STXBP6: variants seen among roughly 807,000 people sequenced by gnomAD.
The protein encoded by STXBP6 is syntaxin binding protein 6.
Under a neutral mutation model 26.9 loss-of-function variants are expected in STXBP6, and 21 were observed. That is an observed-to-expected ratio of 0.78 (90% CI 0.55 to 1.12). STXBP6 has a LOEUF of 1.12. Among genes scored for constraint, STXBP6 ranks in the 50% most tolerant of loss-of-function variants. The pLI, the probability that STXBP6 is intolerant of heterozygous loss-of-function variation, is 0.00. For synonymous variants in STXBP6, 97 were observed against 92.6 expected (o/e 1.05, Z -0.27); for missense variants, 232 against 257.9 (o/e 0.90, Z 0.69).
chr14:24,833,762 T>C (rs935815924), intron 4 of STXBP6, among the ~76,000 whole-genome samples: 27 of 152,230 alleles, frequency 1.8e-4, no homozygotes, highest in African/African-American at 6.0e-4. Flanking sequence ...GTACAAAATA[T>C]ATCAAGTTGC....
At position 25,049,421 on chromosome 14, in the gene STXBP6, G is replaced by A. The variant is rs1478845450; in HGVS notation, c.-33+457C>T. 2 of 985,294 alleles carry A rather than the reference G, an allele frequency of 2.0e-6. No individual in the cohort carries two copies. Among genetic ancestry groups the A allele is most frequent in the Admixed American group, 6.1e-5 (1 of 16,270 alleles). The allele number at this position is 985,294 out of a possible 1,614,324, so 61.0% of individuals were successfully genotyped here. A position where few individuals can be genotyped will look rare whatever the true frequency, so the allele number is the denominator to read the frequency against. Reference sequence around the variant, plus strand: ...TTTCCTAGAAGATGCCAGAGTTCGCGAAGATCGGAGTGATTCGCGGATTTC... The same window carrying A: ...TTTCCTAGAAGATGCCAGAGTTCGCAAAGATCGGAGTGATTCGCGGATTTC... On this transcript the variant is annotated intron_variant, in intron 1 of 5. Coordinates refer to ENST00000323944, the MANE Select transcript of STXBP6 (RefSeq NM_001394410.1). The surrounding 1 kb of genome is among the most constrained non-coding windows in gnomAD (Gnocchi z 5.6).
chr14:25,022,043 T>C (rs1351862381), intron 1 of STXBP6, among the ~76,000 whole-genome samples: 1 of 152,222 alleles, frequency 6.6e-6, no homozygotes, highest in Non-Finnish European at 1.5e-5. Flanking sequence ...CTGATTTCTA[T>C]GTGAAAACTC....
intron 1 of STXBP6, among the ~76,000 whole-genome samples, chr14:25,005,294 T>C (rs2074863664): frequency 1.3e-5 from 2 of 152,190 alleles, no homozygotes; most frequent in East Asian, 3.9e-4. Flanking sequence ...AACAGTTGCA[T>C]GGGTATAACA....
intron 2 of STXBP6, among the ~76,000 whole-genome samples, chr14:24,911,488 C>A (rs2071572798): frequency 6.6e-6 from 1 of 151,516 alleles, no homozygotes; most frequent in Admixed American, 6.6e-5. Flanking sequence ...AGGAGGATGT[C>A]CAAAGAAAGA....
At chr14:24,928,449 A>G in intron 2 of STXBP6, among the ~76,000 whole-genome samples, 1 of 151,480 alleles carries the variant, frequency 6.6e-6, no homozygotes, top group Non-Finnish European at 1.5e-5. Flanking sequence ...TAAGCTGCTC[A>G]TTTAGAATTT....
At chr14:24,941,271 T>C (rs542660892) in intron 2 of STXBP6, among the ~76,000 whole-genome samples, 2 of 151,248 alleles carry the variant, frequency 1.3e-5, no homozygotes, top group African/African-American at 2.4e-5. Flanking sequence ...AGTGGGAGAG[T>C]AGACAAACAT....
chr14:24,939,337 A>G lies in STXBP6; in HGVS notation c.154+35328T>C, dbSNP rs188527697. Among the ~76,000 whole-genome samples the G allele has an allele frequency of 9.8e-4, 150 of 152,326 alleles. No homozygotes were observed. The Middle Eastern group carries it at 0.024, about 24-fold the overall frequency. On this transcript the variant is annotated intron_variant, in intron 2 of 5. Transcript: ENST00000323944. ...TTTGGGAAGTCTTGACTCCAACCCTATATCTGTTAGGCAAGCTAAAGGGTA... is the reference window on the plus strand; with the variant it reads ...TTTGGGAAGTCTTGACTCCAACCCTGTATCTGTTAGGCAAGCTAAAGGGTA...
chr14:24,859,984 G>A (rs1051943684), intron 2 of STXBP6, among the ~76,000 whole-genome samples: 5 of 152,196 alleles, frequency 3.3e-5, no homozygotes, highest in African/African-American at 1.2e-4. Flanking sequence ...ATGGCTTCAT[G>A]CCTCTTCTTT....
At chr14:24,875,723 C>T (rs570364714) in intron 2 of STXBP6, among the ~76,000 whole-genome samples, 1 of 152,242 alleles carries the variant, frequency 6.6e-6, no homozygotes, top group African/African-American at 2.4e-5. Flanking sequence ...AGCAGTGTGA[C>T]TATTCTTCTG....
At chr14:24,995,661 C>T (rs1180222196) in intron 1 of STXBP6, among the ~76,000 whole-genome samples, 1 of 152,068 alleles carries the variant, frequency 6.6e-6, no homozygotes, top group African/African-American at 2.4e-5. Context: ...TCCAAATTAT[C>T]CTAGCTCCTA....
At chr14:24,940,091 C>T (rs1364129754) in intron 2 of STXBP6, among the ~76,000 whole-genome samples, 1 of 152,170 alleles carries the variant, frequency 6.6e-6, no homozygotes, top group African/African-American at 2.4e-5. Flanking sequence ...TTTCATAAAG[C>T]TGAGAGAGCA....
chr14:25,004,955 C>T (rs2074855187), intron 1 of STXBP6, among the ~76,000 whole-genome samples: 2 of 152,174 alleles, frequency 1.3e-5, no homozygotes, highest in Non-Finnish European at 2.9e-5. Context: ...GTCCAGTAAA[C>T]TGATGAAGAC....
intron 2 of STXBP6, among the ~76,000 whole-genome samples, chr14:24,872,127 A>G (rs2069958637): frequency 1.3e-5 from 2 of 152,222 alleles, no homozygotes; most frequent in Non-Finnish European, 2.9e-5. Context: ...TCCCACGAAG[A>G]CTTACTTTTT....
chr14:24,856,004 T>C lies in STXBP6; in HGVS notation c.383A>G (p.His128Arg), dbSNP rs762733878. 2 of 1,611,872 alleles carry C rather than the reference T, an allele frequency of 1.2e-6. No homozygotes were observed. The highest frequency in any genetic ancestry group is 3.4e-5 in the Admixed American group (2 of 59,682). Residue 128 changes from histidine (H) to arginine (R), a missense_variant, in exon 4 of 6, where the codon CAT (histidine) becomes CGT (arginine). Transcript: ENST00000323944. ...GTCCGTGAGGTACCTCTGGCAGGTA[T>C]GGTGGAGGATCTGGAAGAAGGTGCA... ...EKCTFFQILH[H>R]TCQRYLTDRK... is the part of the protein sequence containing the mutation.
chr14:24,949,859 T>C (rs940008271), intron 2 of STXBP6, among the ~76,000 whole-genome samples: 1 of 152,172 alleles, frequency 6.6e-6, no homozygotes, highest in Non-Finnish European at 1.5e-5. Context: ...TAGCCAGCTA[T>C]TCAAACCGTG....
At position 25,049,530 on chromosome 14, in the gene STXBP6, C is replaced by G; in HGVS notation, c.-33+348G>C. 1 of 985,408 alleles carries G rather than the reference C, an allele frequency of 1.0e-6. No homozygotes were observed. Among genetic ancestry groups the G allele is most frequent in the Middle Eastern group, 5.2e-4 (1 of 1,914 alleles). The allele number at this position is 985,408 out of a possible 1,614,324, so 61.0% of individuals were successfully genotyped here. On this transcript the variant is annotated intron_variant, in intron 1 of 5. Coordinates refer to ENST00000323944, the MANE Select transcript of STXBP6 (RefSeq NM_001394410.1). The surrounding 1 kb of genome is among the most constrained non-coding windows in gnomAD (Gnocchi z 5.6). ...AGCATTCTCGGGGCCCATGCCATCG[C>G]GGGGACGGTGCGGAAAAAAAGGCTC...
chr14:25,012,929 A>G (rs549068755), intron 1 of STXBP6, among the ~76,000 whole-genome samples: 1 of 151,990 alleles, frequency 6.6e-6, no homozygotes, highest in Non-Finnish European at 1.5e-5. Flanking sequence ...TTTAGTTTCA[A>G]TAAGAATAAA....
chr14:24,818,075 G>A (rs1020186501), intron 5 of STXBP6: 3 of 456,684 alleles, frequency 6.6e-6, no homozygotes, highest in Non-Finnish European at 1.3e-5. Flanking sequence ...TGGTGTTTCT[G>A]TTAAAGCCAG....
intron 1 of STXBP6, chr14:24,994,889 G>T (rs1170268856): frequency 1.3e-5 from 2 of 151,814 alleles, no homozygotes; most frequent in Non-Finnish European, 2.9e-5. Context: ...CACATCTGTT[G>T]TCCCAGCTAC....
Sources: gnomAD v4.1 joint callset for allele counts (sites outside exome capture counted in the v4.1 genomes callset) on GRCh38, gnomAD v4.1.1 for gene constraint, Gnocchi (gnomAD v3.1) non-coding constraint, MANE v1.5 for transcripts, NCBI Gene and HGNC (gene_info 2026-07-23, HGNC 2026-07-21) for gene names.